Variants in TKTL1 observed in about 807,000 individuals in gnomAD.
TKTL1 encodes transketolase like 1.
In TKTL1, 1 loss-of-function variant was observed where a neutral mutation model predicts 39.3. That is an observed-to-expected ratio of 0.03 (90% CI 0.01 to 0.12). TKTL1 has a LOEUF of 0.12. Ranked by LOEUF, TKTL1 falls within the 10% of genes least tolerant of loss-of-function variation. TKTL1 has a pLI of 1.00. For missense variants in TKTL1, 575 were observed against 509.6 expected (o/e 1.13, Z -1.24); for synonymous variants, 262 against 193.8 (o/e 1.35, Z -2.92).
chrX:154,323,420 C>G (rs77339641), intron 9 of TKTL1, 83 bp downstream of exon 9: 2 of 1,051,196 alleles, frequency 1.9e-6, no homozygotes, highest in Non-Finnish European at 2.6e-6. Flanking sequence ...ACTTTTTTTT[C>G]TCAACATAAA....
intron 9 of TKTL1, 100 bp downstream of exon 9, chrX:154,323,437 A>G (rs2067468229): frequency 1.1e-6 from 1 of 950,831 alleles, no homozygotes; most frequent in African/African-American, 2.0e-5. Flanking sequence ...TAAAAGTGAT[A>G]TTCATTATAG....
chrX:154,327,598 G>A lies in TKTL1; in HGVS notation c.1409G>A (p.Arg470His). ...RFEIGQAKVL[R>H]HCVSDKVTVI... ...TTGCTGGCACTATACCAGGTCCTCC[G>A]CCACTGTGTCAGTGACAAGGTCACA... is the stretch of plus-strand genomic sequence containing the variant. The change falls in exon 11 of 13, where the codon CGC becomes CAC. Residue 470 changes from arginine (R) to histidine (H), a missense_variant. Transcript: ENST00000369915. The A allele has an allele frequency of 8.3e-7, 1 of 1,209,255 alleles. No individual in the cohort carries two copies.
At chrX:154,321,725 C>G (rs1044961006) in intron 8 of TKTL1, among the ~76,000 whole-genome samples, 1 of 106,134 alleles carries the variant, frequency 9.4e-6, no homozygotes, top group Admixed American at 1.0e-4. Flanking sequence ...GATGTGGCTG[C>G]ACACACTTGC....
Position 154,305,517 on chromosome X carries a change from G to GT in TKTL1, c.252+99dup, listed in dbSNP as rs2067308515. The GT allele has an allele frequency of 9.7e-6, 10 of 1,035,494 alleles. No individual in the cohort carries two copies. The South Asian group carries it at 1.4e-4, about 14-fold the overall frequency. The allele number at this position is 1,035,494 out of a possible 1,213,427, so 85.3% of individuals were successfully genotyped here. On this transcript the variant is annotated intron_variant, in intron 2 of 12. Transcript: ENST00000369915. ...GGGAACAAGGCCTGAAATGGGCCTC[G>GT]TTTATTATTTTGGTTCTTCTTTCTT...
At chrX:154,301,176 C>T (rs1172597400) in intron 1 of TKTL1, among the ~76,000 whole-genome samples, 1 of 111,107 alleles carries the variant, frequency 9.0e-6, no homozygotes, top group Admixed American at 9.6e-5. Flanking sequence ...GATTTCTAAC[C>T]TCATCCCATT....
intron 11 of TKTL1, 71 bp from the exon 12 acceptor site, chrX:154,327,768 T>A: frequency 8.3e-7 from 1 of 1,204,348 alleles, no homozygotes. Flanking sequence ...CTGAGTGCTC[T>A]TTTTATTTTT....
chrX:154,328,026 C>T (rs149768266), intron 12 of TKTL1, 68 bp downstream of exon 12: 1 of 1,165,611 alleles, frequency 8.6e-7, no homozygotes, highest in African/African-American at 1.8e-5. Flanking sequence ...GGCCACATGG[C>T]ATGCTCTCAG....
intron 6 of TKTL1, 89 bp downstream of exon 6, chrX:154,312,862 T>A: frequency 1.1e-6 from 1 of 913,251 alleles, no homozygotes; most frequent in Non-Finnish European, 1.5e-6. Flanking sequence ...GATTCTTCAT[T>A]TATTCTGGTC....
intron 7 of TKTL1, among the ~76,000 whole-genome samples, chrX:154,319,720 CAG>C (rs1557170183): frequency 1.0e-5 from 1 of 98,640 alleles, no homozygotes. Context: ...GCCTGGGCAA[CAG>C]AGCAAGACCC....
At chrX:154,308,207 A>G (rs781938308) in intron 2 of TKTL1, among the ~76,000 whole-genome samples, 6 of 112,003 alleles carry the variant, frequency 5.4e-5, no homozygotes, top group African/African-American at 1.9e-4. Flanking sequence ...AGTGGTCCAG[A>G]AAGACCTCAG....
At chrX:154,320,685 T>C (rs1313720601) in intron 7 of TKTL1, 72 bp from the exon 8 acceptor site, 3 of 1,052,655 alleles carry the variant, frequency 2.8e-6, no homozygotes, top group Non-Finnish European at 4.0e-6. Context: ...GGAGTTATCA[T>C]GGGGACTGTG....
chrX:154,319,426 C>G (rs1557170134), intron 7 of TKTL1, among the ~76,000 whole-genome samples: 1 of 111,639 alleles, frequency 9.0e-6, no homozygotes, highest in Non-Finnish European at 1.9e-5. Flanking sequence ...GATCAGGTTG[C>G]TAGAAGGTGA....
rs782737355 is a variant in TKTL1 at position 154,309,353 on chromosome X, G to A, written c.261G>A (p.Ser87=). The A allele has an allele frequency of 2.9e-5, 35 of 1,209,304 alleles. No individual in the cohort carries two copies. The highest frequency in any genetic ancestry group is 3.8e-5 in the Non-Finnish European group (34 of 894,358). Residue 87 remains serine (S), a synonymous_variant, in exon 3 of 13, where the codon TCG becomes TCA. Transcript: ENST00000369915. Reference sequence around the variant, plus strand: ...GGTCCCTTCTCTTACAGAGACTGTCGTTTGTGGATGTGGCAACAGGATGGC... The same window carrying A: ...GGTCCCTTCTCTTACAGAGACTGTCATTTGTGGATGTGGCAACAGGATGGC... ...NDRFVLAKRL[S]FVDVATGWLG...
At chrX:154,296,022 A>G (rs371384256) in intron 1 of TKTL1, 29 bp downstream of exon 1, 27 of 1,203,719 alleles carry the variant, frequency 2.2e-5, no homozygotes, top group Non-Finnish European at 2.9e-5. Flanking sequence ...AGTCTGGGTC[A>G]TGCAGGGCCA....
rs1557167017 is a variant in TKTL1 at position 154,305,362 on chromosome X, A to T, written c.193A>T (p.Met65Leu). 8.3e-7 allele frequency: 1 copy of T among 1,210,657 alleles called. No homozygotes were observed. Among genetic ancestry groups the T allele is most frequent in the East Asian group, 3.0e-5 (1 of 33,800 alleles). Reference sequence around the variant, plus strand: ...CATGTCTGTGCTGTTCTTCTACATCATGAGGTACAAGCAGTCAGATCCAGA... The same window carrying T: ...CATGTCTGTGCTGTTCTTCTACATCTTGAGGTACAAGCAGTCAGATCCAGA... ...EIMSVLFFYI[M>L]RYKQSDPENP... The change falls in exon 2 of 13, where the codon ATG becomes TTG. Residue 65 changes from methionine to leucine, a missense_variant. Physicochemically the swap from Met to Leu is conservative, Grantham distance 15 (BLOSUM62 2). Transcript: ENST00000369915.
Position 154,315,296 on chromosome X carries a change from C to G in TKTL1, c.988C>G (p.Pro330Ala). The change falls in exon 7 of 13, where the codon CCT (proline) becomes GCT (alanine). Residue 330 changes from proline (P) to alanine (A), a missense_variant. Coordinates refer to ENST00000369915, the MANE Select transcript of TKTL1 (RefSeq NM_012253.4). ...TFSEIFNKEYPERFIECFMAE... is the reference protein window; with the variant it reads ...TFSEIFNKEYAERFIECFMAE... ...CTCTGAGATATTCAACAAGGAGTACCCTGAGCGCTTCATCGAGTGCTTTAT... is the reference window on the plus strand; with the variant it reads ...CTCTGAGATATTCAACAAGGAGTACGCTGAGCGCTTCATCGAGTGCTTTAT... 1.7e-6 allele frequency: 2 copies of G among 1,210,982 alleles called. No homozygotes were observed. Among genetic ancestry groups the G allele is most frequent in the East Asian group, 3.0e-5 (1 of 33,844 alleles).
intron 7 of TKTL1, among the ~76,000 whole-genome samples, chrX:154,318,594 G>C (rs371356821): frequency 3.6e-4 from 38 of 106,910 alleles, no homozygotes; most frequent in Middle Eastern, 4.7e-3. Context: ...TGTAGTCCCA[G>C]CTACTCGGGA....
Position 154,312,694 on chromosome X carries a change from C to G in TKTL1, c.785C>G (p.Pro262Arg). 8.3e-7 allele frequency: 1 copy of G among 1,211,358 alleles called. No homozygotes were observed. The highest frequency in any genetic ancestry group is 1.1e-6 in the Non-Finnish European group (1 of 895,276). The change falls in exon 6 of 13, where the codon CCC (proline) becomes CGC (arginine). Residue 262 changes from proline (P) to arginine (R), a missense_variant. By Grantham distance (103) the Pro-to-Arg change is moderately radical (BLOSUM62 -2). Coordinates refer to ENST00000369915, the MANE Select transcript of TKTL1 (RefSeq NM_012253.4). ...ACCAGCAGGAATCTTGACCCACAGC[C>G]CCCCATTGAGGACTCACCTGAAGTC... ...IQTSRNLDPQ[P>R]PIEDSPEVNI...
intron 5 of TKTL1, 102 bp from the exon 6 acceptor site, chrX:154,312,478 C>A: frequency 5.8e-6 from 5 of 858,489 alleles, no homozygotes; most frequent in Non-Finnish European, 8.1e-6. Flanking sequence ...TCCTGTGAGT[C>A]CTAGGGTGAC....
Sources: allele counts gnomAD v4.1 joint callset (sites outside exome capture counted in the v4.1 genomes callset), GRCh38; gene constraint gnomAD v4.1.1; transcripts MANE v1.5; gene names NCBI Gene and HGNC (gene_info 2026-07-23, HGNC 2026-07-21).